Variants in RBM44 observed in about 807,000 individuals in gnomAD.
RBM44 encodes the protein RNA binding motif protein 44.
RBM44 carries 66 observed loss-of-function variants against 105.1 expected under a neutral mutation model. The observed-to-expected ratio is 0.63, with a 90% CI of 0.52 to 0.77. RBM44 has a LOEUF of 0.77. Among genes scored for constraint, RBM44 ranks in the 30% least tolerant of loss-of-function variants. The pLI is 0.00. For synonymous variants in RBM44, 365 were observed against 417.6 expected (o/e 0.87, Z 1.54); for missense variants, 1,122 against 1,207.8 (o/e 0.93, Z 1.05).
chr2:237,813,500 A>G (rs1035835593), intron 1 of RBM44, 92 bp from the exon 2 acceptor site: 45 of 649,210 alleles, frequency 6.9e-5, no homozygotes, highest in Non-Finnish European at 7.1e-5. Flanking sequence ...TTCCTTGGAA[A>G]TTTTAAAAGG....
intron 1 of RBM44, among the ~76,000 whole-genome samples, chr2:237,811,113 G>A (rs2061654102): frequency 6.6e-6 from 1 of 151,974 alleles, no homozygotes; most frequent in South Asian, 2.1e-4. Context: ...AGGCAAGCAG[G>A]GCAGGCAGAC....
chr2:237,832,974 A>G (rs1183254817), intron 13 of RBM44, among the ~76,000 whole-genome samples: 1 of 152,262 alleles, frequency 6.6e-6, no homozygotes, highest in Non-Finnish European at 1.5e-5. Context: ...GGTGCCTACC[A>G]TGGAAGATGT....
intron 10 of RBM44, among the ~76,000 whole-genome samples, chr2:237,826,803 T>G (rs553087152): frequency 1.3e-5 from 2 of 152,278 alleles, no homozygotes; most frequent in East Asian, 3.9e-4. Flanking sequence ...AGTATTTACA[T>G]TGTATTAGGT....
intron 15 of RBM44, among the ~76,000 whole-genome samples, chr2:237,836,719 G>A (rs2061962757): frequency 6.6e-6 from 1 of 150,904 alleles, no homozygotes; most frequent in African/African-American, 2.4e-5. Context: ...GGCAGAGGTT[G>A]CAGTGAGCTG....
intron 1 of RBM44, among the ~76,000 whole-genome samples, chr2:237,806,877 G>A (rs1052197606): frequency 1.2e-4 from 19 of 152,106 alleles, no homozygotes; most frequent in Non-Finnish European, 4.4e-5. Context: ...GTGGGGTGGG[G>A]GGTGCGGGGA....
chr2:237,837,146 C>T (rs2061968477), intron 15 of RBM44, among the ~76,000 whole-genome samples: 3 of 152,112 alleles, frequency 2.0e-5, no homozygotes, highest in African/African-American at 7.2e-5. Flanking sequence ...ATATTTCTTT[C>T]AAAATACTAT....
At chr2:237,838,109 A>G (rs1435868087) in intron 15 of RBM44, among the ~76,000 whole-genome samples, 1 of 152,198 alleles carries the variant, frequency 6.6e-6, no homozygotes, top group African/African-American at 2.4e-5. Flanking sequence ...CAGCCACTCC[A>G]GCCTTCAGCA....
chr2:237,836,273 T>C (rs2061958583), intron 15 of RBM44, among the ~76,000 whole-genome samples: 1 of 152,174 alleles, frequency 6.6e-6, no homozygotes, highest in Non-Finnish European at 1.5e-5. Flanking sequence ...AAAGCCTGGA[T>C]GACAACACAT....
chr2:237,827,529 T>A (rs373869353), intron 12 of RBM44, 26 bp downstream of exon 12: 8 of 1,227,836 alleles, frequency 6.5e-6, no homozygotes, highest in Non-Finnish European at 9.3e-6. Context: ...TTAATCAATG[T>A]GCATTATTAT....
At chr2:237,805,905 G>T (rs143736710) in intron 1 of RBM44, among the ~76,000 whole-genome samples, 1 of 152,110 alleles carries the variant, frequency 6.6e-6, no homozygotes, top group East Asian at 1.9e-4. Context: ...ACTTGAGCCT[G>T]GGAGGTCAAG....
At position 237,821,730 on chromosome 2, in the gene RBM44, A is replaced by G; in HGVS notation, c.2121-13A>G. The stretch of plus-strand genomic sequence containing the variant: ...AACATTAGATCATATTTCTTCTGAA[A>G]TGTTCTTTTTAGCTTTTCAGAAGCA... On this transcript the variant is annotated splice_polypyrimidine_tract_variant and intron_variant, in intron 7 of 15. Coordinates refer to ENST00000316997, the MANE Select transcript of RBM44 (RefSeq NM_001080504.3). 1.3e-6 allele frequency: 2 copies of G among 1,577,408 alleles called. No homozygotes were observed. The highest frequency in any genetic ancestry group is 1.7e-6 in the Non-Finnish European group (2 of 1,148,668).
At chr2:237,833,717 A>G (rs879775999) in intron 13 of RBM44, among the ~76,000 whole-genome samples, 8 of 152,122 alleles carry the variant, frequency 5.3e-5, no homozygotes, top group African/African-American at 1.2e-4. Flanking sequence ...TCTGTGTTCT[A>G]TGGTTCAGAT....
At chr2:237,832,720 CATT>C (rs1184976358) in intron 13 of RBM44, among the ~76,000 whole-genome samples, 1 of 152,184 alleles carries the variant, frequency 6.6e-6, no homozygotes. Flanking sequence ...TGATTCTCAA[CATT>C]ATTATTTATT....
intron 2 of RBM44, among the ~76,000 whole-genome samples, chr2:237,816,792 A>C (rs1318309230): frequency 6.6e-6 from 1 of 152,080 alleles, no homozygotes; most frequent in African/African-American, 2.4e-5. Flanking sequence ...CCCCATTTCC[A>C]ACATATGGGT....
intron 15 of RBM44, among the ~76,000 whole-genome samples, chr2:237,837,381 T>C (rs1051532018): frequency 6.6e-6 from 1 of 152,278 alleles, no homozygotes; most frequent in Non-Finnish European, 1.5e-5. Context: ...GAAAACTTTA[T>C]GGAAAGGAGT....
At position 237,821,088 on chromosome 2, in the gene RBM44, C is replaced by G. The variant is rs780463309; in HGVS notation, c.1931C>G (p.Ser644Cys). Residue 644 changes from serine to cysteine, a missense_variant, in exon 6 of 16, where the codon TCT becomes TGT. Transcript: ENST00000316997. ...TTGAACAGGAATTTATCAAGTAATT[C>G]TGCTAAGAAGGAATTGGGATCAGCA... ...EGLNMNLSSN[S>C]AKKELGSALL... 6.3e-7 allele frequency: 1 copy of G among 1,582,210 alleles called. No individual in the cohort carries two copies. The highest frequency in any genetic ancestry group is 8.5e-7 in the Non-Finnish European group (1 of 1,171,664).
In RBM44 at chr2:237,818,452, A is replaced by G. The variant is rs1161586345; in HGVS notation, c.1533A>G (p.Gln511=). 4 of 1,613,170 alleles carry G rather than the reference A, an allele frequency of 2.5e-6. No homozygotes were observed. Among genetic ancestry groups the G allele is most frequent in the Middle Eastern group, 1.7e-4 (1 of 6,056 alleles). Residue 511 remains glutamine (Q), a synonymous_variant, in exon 3 of 16, where the codon CAA becomes CAG. Coordinates refer to ENST00000316997, the MANE Select transcript of RBM44 (RefSeq NM_001080504.3). The surrounding 1 kb of genome is among the most constrained non-coding windows in gnomAD (Gnocchi z 4.6). ...ATAAAAAACGACCTGATGAATGGCA[A>G]AATGAGAAACAAAAAAGTGTGGCTT... ...MMNKKRPDEW[Q]NEKQKSVACS...
At chr2:237,820,119 T>C (rs2061767761) in intron 4 of RBM44, 56 bp from the exon 5 acceptor site, 5 of 986,092 alleles carry the variant, frequency 5.1e-6, no homozygotes, top group Non-Finnish European at 7.2e-6. Flanking sequence ...GGAGGCATGT[T>C]ATTACTATAG....
Position 237,817,453 on chromosome 2 carries a change from T to C in RBM44, c.534T>C (p.His178=). The change falls in exon 3 of 16, where the codon CAT becomes CAC. Residue 178 remains histidine (H), a synonymous_variant. Transcript: ENST00000316997. The part of the protein sequence containing the change: ...YRESAEDTQK[H]DTDEDSQQEY... Reference sequence around the variant, plus strand: ...AAAGTGCTGAAGATACACAAAAGCATGATACAGATGAAGACTCACAGCAGG... The same window carrying C: ...AAAGTGCTGAAGATACACAAAAGCACGATACAGATGAAGACTCACAGCAGG... 1 of 1,599,968 alleles carries C rather than the reference T, an allele frequency of 6.3e-7. No individual in the cohort carries two copies. The highest frequency in any genetic ancestry group is 8.5e-7 in the Non-Finnish European group (1 of 1,172,414).
Sources: allele counts gnomAD v4.1 joint callset (sites outside exome capture counted in the v4.1 genomes callset), GRCh38; gene constraint gnomAD v4.1.1; non-coding constraint Gnocchi (gnomAD v3.1); transcripts MANE v1.5; gene names NCBI Gene and HGNC (gene_info 2026-07-23, HGNC 2026-07-21).